Variants in MCUB observed in about 807,000 individuals in gnomAD.
The protein encoded by MCUB is mitochondrial calcium uniporter dominant negative subunit beta, also known as calcium uniporter regulatory subunit MCUb, mitochondrial.
Under a neutral mutation model 41.4 loss-of-function variants are expected in MCUB, and 46 were observed. That is an observed-to-expected ratio of 1.11 (90% CI 0.88 to 1.42). The LOEUF is 1.42. MCUB is among the 40% of genes most tolerant of loss of function. MCUB has a pLI of 0.00. For synonymous variants in MCUB, 148 were observed against 148.2 expected (o/e 1.00, Z 0.01); for missense variants, 403 against 404.9 (o/e 1.00, Z 0.04).
intron 1 of MCUB, among the ~76,000 whole-genome samples, chr4:109,622,202 G>T (rs200856652): frequency 9.3e-4 from 142 of 152,216 alleles, no homozygotes; most frequent in Non-Finnish European, 1.7e-3. Context: ...ATAATTATAT[G>T]TATATGTTTC....
intron 1 of MCUB, among the ~76,000 whole-genome samples, chr4:109,612,260 T>C (rs1417833024): frequency 9.3e-6 from 1 of 107,576 alleles, no homozygotes; most frequent in South Asian, 4.3e-4. Context: ...TCCTCCTCCT[T>C]TTCTTTTTTT....
In MCUB at chr4:109,580,878, T is replaced by C. The variant is rs1344233280; in HGVS notation, c.99+20442T>C. Among the ~76,000 whole-genome samples, 6 of 152,342 alleles carry C rather than the reference T, an allele frequency of 3.9e-5. No individual in the cohort carries two copies. In the East Asian group the frequency reaches 1.2e-3, roughly 29 times the overall value. ...TTTGCTGTGCAGAAGCTCTTTAGTT[T>C]AATTAGATCCCATTTGTCCGAACAT... On this transcript the variant is annotated intron_variant, in intron 1 of 7. Transcript: ENST00000394650.
At chr4:109,569,713 G>A (rs973870027) in intron 1 of MCUB, among the ~76,000 whole-genome samples, 1 of 151,696 alleles carries the variant, frequency 6.6e-6, no homozygotes, top group Non-Finnish European at 1.5e-5. Flanking sequence ...ATGTTGGCCA[G>A]GCTGGTCTCG....
chr4:109,654,376 C>T (rs527382092), intron 1 of MCUB, among the ~76,000 whole-genome samples: 10 of 151,880 alleles, frequency 6.6e-5, no homozygotes, highest in Non-Finnish European at 1.3e-4. Context: ...TTTGGGAGGC[C>T]GAGGCAGGCA....
intron 1 of MCUB, among the ~76,000 whole-genome samples, chr4:109,587,580 C>T (rs545342041): frequency 2.2e-4 from 33 of 152,206 alleles, no homozygotes; most frequent in Non-Finnish European, 3.5e-4. Flanking sequence ...TGTTCCTATT[C>T]GTCCATCTTG....
chr4:109,686,938 TAAAAA>T (rs1368265119), intron 7 of MCUB, among the ~76,000 whole-genome samples: 2 of 151,314 alleles, frequency 1.3e-5, no homozygotes, highest in Non-Finnish European at 2.9e-5. Flanking sequence ...AAAGTGGAGA[TAAAAA>T]GATAAAGTGG....
intron 1 of MCUB, among the ~76,000 whole-genome samples, chr4:109,599,927 C>T (rs1408916068): frequency 6.6e-6 from 1 of 152,214 alleles, no homozygotes; most frequent in Non-Finnish European, 1.5e-5. Flanking sequence ...ACCTCAGCCT[C>T]TCAAAGTGCT....
At chr4:109,572,489 AAT>A (rs1165069793) in intron 1 of MCUB, among the ~76,000 whole-genome samples, 1 of 152,236 alleles carries the variant, frequency 6.6e-6, no homozygotes, top group Non-Finnish European at 1.5e-5. Context: ...GCTTGTTATA[AAT>A]ATGTTCTAAA....
At chr4:109,596,956 A>G (rs1424860909) in intron 1 of MCUB, among the ~76,000 whole-genome samples, 2 of 151,970 alleles carry the variant, frequency 1.3e-5, no homozygotes, top group African/African-American at 4.8e-5. Flanking sequence ...GCTGCCTTCA[A>G]GCGTCTGTTT....
chr4:109,629,177 C>T lies in MCUB; in HGVS notation c.100-29834C>T, dbSNP rs187157996. The stretch of plus-strand genomic sequence containing the variant: ...CTTGAGATGGAGTCTTGCTCTATCA[C>T]CCAGGCTGGAGTGCAGTGCTGCAAT... On this transcript the variant is annotated intron_variant, in intron 1 of 7. Transcript: ENST00000394650. 4.4e-3 allele frequency among the ~76,000 whole-genome samples: 665 copies of T among 152,112 alleles called. 5 individuals carry two copies. Among genetic ancestry groups the T allele is most frequent in the Non-Finnish European group, 4.8e-3 (324 of 68,000 alleles).
chr4:109,601,416 G>C (rs1013218734), intron 1 of MCUB, among the ~76,000 whole-genome samples: 4 of 151,796 alleles, frequency 2.6e-5, no homozygotes, highest in Non-Finnish European at 5.9e-5. Context: ...CCAGCCTCTG[G>C]TAACCATCCT....
At chr4:109,607,557 T>C (rs1473820142) in intron 1 of MCUB, among the ~76,000 whole-genome samples, 1 of 152,258 alleles carries the variant, frequency 6.6e-6, no homozygotes, top group Non-Finnish European at 1.5e-5. Context: ...TTAGCATTTC[T>C]TGTAGAACAG....
chr4:109,582,950 G>C (rs1412080702), intron 1 of MCUB, among the ~76,000 whole-genome samples: 2 of 152,304 alleles, frequency 1.3e-5, no homozygotes, highest in Admixed American at 6.5e-5. Context: ...GTGCCATGCT[G>C]TTTTGGTTAC....
chr4:109,635,691 T>TCTTC (rs1273668073), intron 1 of MCUB, among the ~76,000 whole-genome samples: 1 of 152,136 alleles, frequency 6.6e-6, no homozygotes, highest in East Asian at 1.9e-4. Context: ...CAAGGGAGCG[T>TCTTC]CTTCCTTCCT....
chr4:109,600,365 C>CCTAG (rs1310625085), intron 1 of MCUB, among the ~76,000 whole-genome samples: 1 of 152,168 alleles, frequency 6.6e-6, no homozygotes, highest in Non-Finnish European at 1.5e-5. Flanking sequence ...AGTCTATGAG[C>CCTAG]CTAGGATGGA....
chr4:109,676,293 CT>C (rs2126149518), intron 4 of MCUB, among the ~76,000 whole-genome samples: 1 of 152,230 alleles, frequency 6.6e-6, no homozygotes, highest in Admixed American at 6.5e-5. Context: ...AATCCCGGCA[CT>C]TTAGGAGGCT....
rs1240503953 is a variant in MCUB, at chr4:109,687,558, A to T, written c.977A>T (p.Gln326Leu). The T allele has an allele frequency of 6.2e-7, 1 of 1,612,452 alleles. No individual in the cohort carries two copies. Among genetic ancestry groups the T allele is most frequent in the Non-Finnish European group, 8.5e-7 (1 of 1,178,666 alleles). The change falls in exon 8 of 8, where the codon CAA becomes CTA. Residue 326 changes from glutamine (Q) to leucine (L), a missense_variant. Physicochemically the swap from Gln to Leu is moderately radical, Grantham distance 113. Coordinates refer to ENST00000394650, the MANE Select transcript of MCUB (RefSeq NM_017918.5). ...CAGGCGCGTCATTCTCTCTGTTTGC[A>T]AATGCAAGTAGAAGAACTCAATGAA... is the stretch of plus-strand genomic sequence containing the variant. ...LKQARHSLCL[Q>L]MQVEELNEKN
chr4:109,681,012 A>T (rs1729702903), intron 4 of MCUB, among the ~76,000 whole-genome samples: 1 of 151,738 alleles, frequency 6.6e-6, no homozygotes, highest in South Asian at 2.1e-4. Context: ...TATATTAAAA[A>T]CTCTGAAACC....
intron 4 of MCUB, among the ~76,000 whole-genome samples, chr4:109,666,950 G>A (rs1276035782): frequency 1.3e-5 from 2 of 152,098 alleles, no homozygotes; most frequent in Non-Finnish European, 2.9e-5. Flanking sequence ...CTTAGTTGTG[G>A]TGTAGCAATC....
Sources: allele counts gnomAD v4.1 joint callset (sites outside exome capture counted in the v4.1 genomes callset), GRCh38; gene constraint gnomAD v4.1.1; transcripts MANE v1.5; gene names NCBI Gene and HGNC (gene_info 2026-07-23, HGNC 2026-07-21).